CENPP: variants seen among roughly 807,000 people sequenced by gnomAD.
CENPP encodes the protein centromere protein P.
Under a neutral mutation model 35.6 loss-of-function variants are expected in CENPP, and 24 were observed. That is an observed-to-expected ratio of 0.67 (90% CI 0.49 to 0.95). CENPP has a LOEUF of 0.95. Ranked by LOEUF, CENPP falls within the 40% of genes least tolerant of loss-of-function variation. The pLI is 0.00. For synonymous variants in CENPP, 120 were observed against 125.5 expected, an observed-to-expected ratio of 0.96 and a Z score of 0.29; for missense variants, 332 against 345.3, an observed-to-expected ratio of 0.96 and a Z score of 0.31.
intron 5 of CENPP, among the ~76,000 whole-genome samples, chr9:92,396,145 G>T (rs750787566): frequency 6.6e-6 from 1 of 152,024 alleles, no homozygotes; most frequent in Non-Finnish European, 1.5e-5. Flanking sequence ...GAATTGTATT[G>T]TCACATTGTC....
intron 5 of CENPP, among the ~76,000 whole-genome samples, chr9:92,542,272 C>A (rs897161216): frequency 6.6e-6 from 1 of 152,048 alleles, no homozygotes; most frequent in Non-Finnish European, 1.5e-5. Flanking sequence ...CTATCAAGTT[C>A]CTTATATATT....
chr9:92,512,156 A>G, intron 5 of CENPP: 1 of 1,487,412 alleles, frequency 6.7e-7, no homozygotes, highest in African/African-American at 1.4e-5. Context: ...TGTTTTAGGC[A>G]TGTGTGCATA....
chr9:92,589,517 C>G (rs1850620078), intron 5 of CENPP, among the ~76,000 whole-genome samples: 1 of 151,990 alleles, frequency 6.6e-6, no homozygotes, highest in Non-Finnish European at 1.5e-5. Flanking sequence ...CAACCCTAAC[C>G]CAAGAAAAGA....
intron 5 of CENPP, among the ~76,000 whole-genome samples, chr9:92,449,110 G>A (rs1348349283): frequency 1.3e-5 from 2 of 152,092 alleles, no homozygotes; most frequent in Non-Finnish European, 2.9e-5. Context: ...TCCCAGATCT[G>A]CCACAAGTGA....
intron 5 of CENPP, among the ~76,000 whole-genome samples, chr9:92,400,513 T>C (rs980126781): frequency 5.3e-5 from 8 of 152,234 alleles, no homozygotes; most frequent in Non-Finnish European, 1.2e-4. Flanking sequence ...TTAAGCTTTA[T>C]TTTCTGTTAT....
chr9:92,401,274 T>C (rs1289030964), intron 5 of CENPP: 1 of 636,786 alleles, frequency 1.6e-6, no homozygotes, highest in African/African-American at 1.9e-5. Context: ...TTCTCGTAGT[T>C]ACAATTAGTG....
intron 4 of CENPP, among the ~76,000 whole-genome samples, chr9:92,374,047 TC>T (rs762048856): frequency 4.6e-5 from 7 of 150,862 alleles, no homozygotes; most frequent in Non-Finnish European, 1.0e-4. Context: ...TGAAAATGTA[TC>T]TATGGTGCTG....
chr9:92,514,919 C>T lies in CENPP; in HGVS notation c.565-96395C>T, dbSNP rs1209616915. On this transcript the variant is annotated intron_variant, in intron 5 of 7. Transcript: ENST00000375587. ...TGCTGGTGTGCCAGCCTCCTCTCCT[C>T]TCCAGGCCTCTGCTTTCTGTCTCCT... 1 of 1,614,028 alleles carries T rather than the reference C, an allele frequency of 6.2e-7. No homozygotes were observed. Among genetic ancestry groups the T allele is most frequent in the African/African-American group, 1.3e-5 (1 of 75,022 alleles).
chr9:92,466,494 C>A (rs41278699), intron 5 of CENPP: 64,346 of 1,613,658 alleles, frequency 0.04, 1,565 homozygotes, highest in South Asian at 0.076. Context: ...GGGACAGATA[C>A]AGCCTTCGCA....
intron 5 of CENPP, among the ~76,000 whole-genome samples, chr9:92,586,726 G>C (rs1353334046): frequency 6.6e-6 from 1 of 151,906 alleles, no homozygotes; most frequent in African/African-American, 2.4e-5. Flanking sequence ...AGACATCTAA[G>C]GAAATCTCCA....
intron 5 of CENPP, among the ~76,000 whole-genome samples, chr9:92,559,699 C>G (rs1052662995): frequency 1.3e-5 from 2 of 152,124 alleles, no homozygotes; most frequent in African/African-American, 4.8e-5. Flanking sequence ...TGGGGTCTCA[C>G]TATGTTGCCA....
chr9:92,459,797 T>C (rs1183725347), intron 5 of CENPP: 1 of 1,609,152 alleles, frequency 6.2e-7, no homozygotes, highest in East Asian at 2.2e-5. Context: ...ATGCATCAAG[T>C]CTTACACAGA....
At chr9:92,339,572 G>C (rs1841043967) in intron 3 of CENPP, 2 of 152,240 alleles carry the variant, frequency 1.3e-5, no homozygotes, top group Admixed American at 6.5e-5. Flanking sequence ...AAAAGGTGTA[G>C]TATAGCATTG....
intron 5 of CENPP, among the ~76,000 whole-genome samples, chr9:92,507,146 C>T (rs1847056177): frequency 1.3e-5 from 2 of 152,112 alleles, no homozygotes; most frequent in African/African-American, 4.8e-5. Context: ...ATGGGGATGG[C>T]AGGACAAGGG....
At chr9:92,494,101 C>A in intron 5 of CENPP, 6 of 1,597,658 alleles carry the variant, frequency 3.8e-6, no homozygotes, top group Non-Finnish European at 5.1e-6. Context: ...GAGGAAAGGC[C>A]ACATCTGATC....
chr9:92,357,053 A>G (rs1371468938), intron 4 of CENPP, among the ~76,000 whole-genome samples: 1 of 152,244 alleles, frequency 6.6e-6, no homozygotes, highest in Non-Finnish European at 1.5e-5. Flanking sequence ...TGAAAATTAC[A>G]TTAATACTAG....
chr9:92,393,011 A>G (rs566764001), intron 5 of CENPP: 5 of 1,183,190 alleles, frequency 4.2e-6, no homozygotes, highest in East Asian at 2.5e-5. Context: ...GGCAGCAACT[A>G]TATAGAAACT....
chr9:92,464,471 A>G (rs943447866), intron 5 of CENPP, among the ~76,000 whole-genome samples: 2 of 152,232 alleles, frequency 1.3e-5, no homozygotes, highest in African/African-American at 2.4e-5. Context: ...CTTGCCTTGA[A>G]TGGCATGTCC....
intron 5 of CENPP, among the ~76,000 whole-genome samples, chr9:92,427,224 G>A (rs1037945227): frequency 2.0e-5 from 3 of 152,268 alleles, no homozygotes; most frequent in South Asian, 2.1e-4. Context: ...GTGCAATGGC[G>A]CCGTCTTGGC....
Sources: gnomAD v4.1 joint callset for allele counts (sites outside exome capture counted in the v4.1 genomes callset) on GRCh38, gnomAD v4.1.1 for gene constraint, MANE v1.5 for transcripts, NCBI Gene and HGNC (gene_info 2026-07-23, HGNC 2026-07-21) for gene names.